Variants in NARF observed in about 807,000 individuals in gnomAD.
NARF encodes iron-only hydrogenase-like protein 2.
A neutral mutation model predicts 48.0 loss-of-function variants in NARF; 41 were observed. That is an observed-to-expected ratio of 0.85 (90% CI 0.66 to 1.11). The LOEUF is 1.11. Ranked by LOEUF, NARF falls within the 50% of genes least tolerant of loss-of-function variation. The pLI is 0.00. For missense variants in NARF, 613 were observed against 590.2 expected (o/e 1.04, Z -0.40); for synonymous variants, 215 against 225.5 (o/e 0.95, Z 0.42).
intron 2 of NARF, chr17:82,460,395 A>G (rs1010376031): frequency 1.6e-5 from 3 of 190,168 alleles, no homozygotes; most frequent in African/African-American, 7.1e-5. Context: ...ACCCTGGAAG[A>G]CAGAGGTTGC....
At chr17:82,487,803 ATTT>A in intron 10 of NARF, 110 bp from the exon 11 acceptor site, 4 of 1,194,842 alleles carry the variant, frequency 3.3e-6, no homozygotes, top group Non-Finnish European at 3.5e-6. Flanking sequence ...TCTACAAAAA[ATTT>A]AAAAATCAGC....
Position 82,458,828 on chromosome 17 carries a change from A to C in NARF, c.25A>C (p.Lys9Gln). The C allele has an allele frequency of 1.4e-6, 2 of 1,412,184 alleles. No individual in the cohort carries two copies. Among genetic ancestry groups the C allele is most frequent in the Non-Finnish European group, 1.8e-6 (2 of 1,084,610 alleles). The allele number at this position is 1,412,184 out of a possible 1,614,324, so 87.5% of individuals were successfully genotyped here. The change falls in exon 1 of 11, where the codon AAG (lysine) becomes CAG (glutamine). Residue 9 changes from lysine (K) to glutamine (Q), a missense_variant and splice_region_variant. Lys to Gln is a moderately conservative substitution (Grantham distance 53). Transcript: ENST00000309794. ...GATGAAGTGTGAGCACTGCACGCGC[A>C]AGGTGAGCGCCGCGGGCCGGGGAGG... MKCEHCTR[K>Q]ECSKKTKTDD...
intron 3 of NARF, among the ~76,000 whole-genome samples, chr17:82,465,073 A>G (rs1001860161): frequency 6.6e-6 from 1 of 152,196 alleles, no homozygotes; most frequent in Non-Finnish European, 1.5e-5. Context: ...GCCTCAGGGA[A>G]CAACCATGGC....
At chr17:82,459,317 G>A (rs1175460044) in intron 1 of NARF, 1 of 392,574 alleles carries the variant, frequency 2.5e-6, no homozygotes, top group East Asian at 1.6e-4. Flanking sequence ...GGGTTTTGTA[G>A]CTGTTATTGC....
At chr17:82,461,589 C>T (rs957164855) in intron 2 of NARF, among the ~76,000 whole-genome samples, 4 of 152,106 alleles carry the variant, frequency 2.6e-5, no homozygotes, top group South Asian at 2.1e-4. Flanking sequence ...CCAGCTGGGG[C>T]GACAGAGTGA....
intron 2 of NARF, 170 bp downstream of exon 2, chr17:82,460,242 A>G (rs1248828576): frequency 3.8e-6 from 2 of 525,760 alleles, no homozygotes; most frequent in Non-Finnish European, 6.8e-6. Flanking sequence ...AGGTGGACGG[A>G]TCACTTGAGG....
At chr17:82,487,795 T>TAAA in intron 10 of NARF, 121 bp from the exon 11 acceptor site, 1 of 444,392 alleles carries the variant, frequency 2.3e-6, no homozygotes, top group Non-Finnish European at 4.1e-6. Flanking sequence ...GCCCAATCTC[T>TAAA]ACAAAAAATT....
chr17:82,465,670 G>A (rs540530001), intron 3 of NARF, among the ~76,000 whole-genome samples: 11 of 152,194 alleles, frequency 7.2e-5, no homozygotes, highest in African/African-American at 2.6e-4. Flanking sequence ...TCCCACCTCT[G>A]GAGGCTCCCT....
chr17:82,464,072 A>G (rs2043502190), intron 2 of NARF: 2 of 532,338 alleles, frequency 3.8e-6, no homozygotes, highest in South Asian at 2.7e-5. Context: ...CCCTAGTGTC[A>G]TTGTGGGCTG....
chr17:82,485,526 A>G lies in NARF; in HGVS notation c.1001A>G (p.Glu334Gly), dbSNP rs753415625. The G allele has an allele frequency of 1.2e-6, 2 of 1,614,242 alleles. No individual in the cohort carries two copies. Among genetic ancestry groups the G allele is most frequent in the Non-Finnish European group, 1.7e-6 (2 of 1,180,034 alleles). The stretch of plus-strand genomic sequence containing the variant: ...AAAGACTTCCAAGAGGTCACCCTTG[A>G]GAAGAACGGAGAGGTGGTGTTACGC... ...RNKDFQEVTL[E>G]KNGEVVLRFA... is the part of the protein sequence containing the mutation. The change falls in exon 10 of 11, where the codon GAG becomes GGG. Residue 334 changes from glutamate (E) to glycine (G), a missense_variant. By Grantham distance (98) the Glu-to-Gly change is moderately conservative. Transcript: ENST00000309794.
chr17:82,458,704 G>A (rs2043346079), upstream of NARF: 2 of 1,394,196 alleles, frequency 1.4e-6, no homozygotes, highest in Admixed American at 3.5e-5. Context: ...CCGCGTCGGG[G>A]GAGGACAACA....
chr17:82,465,641 G>T (rs2043547043), intron 3 of NARF, among the ~76,000 whole-genome samples: 1 of 152,082 alleles, frequency 6.6e-6, no homozygotes, highest in Admixed American at 6.5e-5. Flanking sequence ...GAGTCTCAGT[G>T]GGGAGACTCT....
At chr17:82,476,811 A>T (rs1030170976) in intron 5 of NARF, 1 of 147,510 alleles carries the variant, frequency 6.8e-6, no homozygotes, top group African/African-American at 2.5e-5. Context: ...GCTCACTGCA[A>T]CCCCCACCTC....
intron 3 of NARF, among the ~76,000 whole-genome samples, chr17:82,467,355 T>G (rs1247468847): frequency 1.3e-5 from 2 of 152,214 alleles, no homozygotes; most frequent in African/African-American, 4.8e-5. Flanking sequence ...CCCTTGACTC[T>G]TATATCTGAA....
intron 2 of NARF, 162 bp downstream of exon 2, chr17:82,460,234 G>C (rs771865082): frequency 1.8e-6 from 1 of 557,086 alleles, no homozygotes; most frequent in Non-Finnish European, 3.2e-6. Context: ...GGAGGCCGAG[G>C]TGGACGGATC....
chr17:82,475,367 G>A (rs774740143), intron 5 of NARF, among the ~76,000 whole-genome samples: 1 of 152,170 alleles, frequency 6.6e-6, no homozygotes, highest in Non-Finnish European at 1.5e-5. Flanking sequence ...TTGGGAGGCC[G>A]AGGTGGGCGG....
chr17:82,472,487 A>T, intron 4 of NARF, 77 bp from the exon 5 acceptor site: 1 of 1,429,610 alleles, frequency 7.0e-7, no homozygotes, highest in African/African-American at 1.5e-5. Context: ...CCGTCTCAAA[A>T]AAAAAAAAAA....
At chr17:82,469,464 G>C (rs7406694) in intron 4 of NARF, among the ~76,000 whole-genome samples, 69,333 of 152,024 alleles carry the variant, frequency 0.46, 17,264 homozygotes, top group East Asian at 0.89. Flanking sequence ...TTTGGTCAAA[G>C]GGGAACTGCC....
At chr17:82,475,788 T>A (rs1412392395) in intron 5 of NARF, among the ~76,000 whole-genome samples, 1 of 152,158 alleles carries the variant, frequency 6.6e-6, no homozygotes, top group Non-Finnish European at 1.5e-5. Flanking sequence ...GATCACCGTT[T>A]CTATACAAAT....
Sources: allele counts gnomAD v4.1 joint callset (sites outside exome capture counted in the v4.1 genomes callset), GRCh38; gene constraint gnomAD v4.1.1; transcripts MANE v1.5; gene names NCBI Gene and HGNC (gene_info 2026-07-23, HGNC 2026-07-21).